The following LHFPL2 variants were observed in gnomAD, a reference collection of about 807,000 sequenced individuals.
LHFPL2 encodes the protein LHFPL tetraspan subfamily member 2 protein.
Under a neutral mutation model 17.5 loss-of-function variants are expected in LHFPL2, and 7 were observed. That is an observed-to-expected ratio of 0.40 (90% CI 0.23 to 0.75). LHFPL2 has a LOEUF of 0.75. LHFPL2 is among the 30% of genes least tolerant of loss of function. The pLI, the probability that LHFPL2 is intolerant of heterozygous loss-of-function variation, is 0.37. For synonymous variants in LHFPL2, 134 were observed against 116.2 expected, an observed-to-expected ratio of 1.15 and a Z score of -0.99; for missense variants, 241 against 294.8, an observed-to-expected ratio of 0.82 and a Z score of 1.34.
chr5:78,590,098 A>G (rs1743575014), intron 2 of LHFPL2: 1 of 152,302 alleles, frequency 6.6e-6, no homozygotes, highest in Non-Finnish European at 1.5e-5. Flanking sequence ...ATGCTCTTGC[A>G]TCATTATACA....
chr5:78,488,999 A>G lies in LHFPL2; in HGVS notation c.585T>C (p.Thr195=). Residue 195 remains threonine (T), a synonymous_variant, in exon 5 of 5, where the codon ACT becomes ACC. Coordinates refer to ENST00000380345, the MANE Select transcript of LHFPL2 (RefSeq NM_005779.3). ...FYTAIGGTVL[T]FICAVFSAQA... ...GTGCAGAGAAGACAGCACAGATGAA[A>G]GTGAGGACTGTGCCCCCAATGGCGG... 6.2e-7 allele frequency: 1 copy of G among 1,614,236 alleles called. No homozygotes were observed. Among genetic ancestry groups the G allele is most frequent in the African/African-American group, 1.3e-5 (1 of 75,056 alleles).
At chr5:78,623,523 A>G (rs1465763156) in intron 2 of LHFPL2, among the ~76,000 whole-genome samples, 1 of 152,262 alleles carries the variant, frequency 6.6e-6, no homozygotes, top group Non-Finnish European at 1.5e-5. Context: ...CAATAAGTAT[A>G]CAAATAAGCA....
At chr5:78,579,359 T>G (rs910014322) in intron 2 of LHFPL2, among the ~76,000 whole-genome samples, 1 of 152,088 alleles carries the variant, frequency 6.6e-6, no homozygotes, top group African/African-American at 2.4e-5. Flanking sequence ...ATTATTATTA[T>G]ACTTTAAGTT....
intron 3 of LHFPL2, among the ~76,000 whole-genome samples, chr5:78,562,257 T>G (rs577201456): frequency 6.6e-6 from 1 of 152,188 alleles, no homozygotes; most frequent in South Asian, 2.1e-4. Context: ...AAAAGTGCCC[T>G]AGGTCACAGA....
At chr5:78,565,038 C>T (rs1301919179) in intron 2 of LHFPL2, among the ~76,000 whole-genome samples, 167 bp from the exon 3 acceptor site, 1 of 152,186 alleles carries the variant, frequency 6.6e-6, no homozygotes, top group East Asian at 1.9e-4. Context: ...CCCCCAGGAA[C>T]ACCGACACAC....
intron 4 of LHFPL2, among the ~76,000 whole-genome samples, chr5:78,496,108 T>C (rs1305118364): frequency 6.6e-6 from 1 of 152,228 alleles, no homozygotes; most frequent in Admixed American, 6.5e-5. Flanking sequence ...GAGCTCTTTC[T>C]CACTTTTAAA....
intron 2 of LHFPL2, among the ~76,000 whole-genome samples, chr5:78,584,081 C>T (rs1190023553): frequency 2.0e-5 from 3 of 151,738 alleles, no homozygotes; most frequent in Admixed American, 1.3e-4. Flanking sequence ...GCATCGGCTC[C>T]TGAGGCTTCT....
At chr5:78,517,014 C>A (rs1755313554) in intron 3 of LHFPL2, among the ~76,000 whole-genome samples, 1 of 152,226 alleles carries the variant, frequency 6.6e-6, no homozygotes, top group Non-Finnish European at 1.5e-5. Context: ...CTGCTTCTCT[C>A]AAACTCCTCT....
chr5:78,592,290 G>A lies in LHFPL2; in HGVS notation c.-244-27419C>T, dbSNP rs571293703. Among the ~76,000 whole-genome samples the A allele has an allele frequency of 3.9e-5, 6 of 152,270 alleles. No homozygotes were observed. The East Asian group carries it at 1.2e-3, about 29-fold the overall frequency. ...GAGAGCACCTCTCTCAAAGGAGTGCGGGATGGATGCCTCAGATTTCAGAGG... is the reference window on the plus strand; with the variant it reads ...GAGAGCACCTCTCTCAAAGGAGTGCAGGATGGATGCCTCAGATTTCAGAGG... On this transcript the variant is annotated intron_variant, in intron 2 of 4. Coordinates refer to ENST00000380345, the MANE Select transcript of LHFPL2 (RefSeq NM_005779.3).
At chr5:78,529,642 C>CA (rs71001112) in intron 3 of LHFPL2, among the ~76,000 whole-genome samples, 54,625 of 136,562 alleles carry the variant, frequency 0.4, 10,483 homozygotes, top group Middle Eastern at 0.5. Context: ...GACTCCGTCT[C>CA]AAAAAAAAAA....
At chr5:78,513,567 G>A (rs924269802) in intron 3 of LHFPL2, among the ~76,000 whole-genome samples, 74 of 152,152 alleles carry the variant, frequency 4.9e-4, no homozygotes, top group African/African-American at 1.7e-3. Flanking sequence ...TGGTTTAGCT[G>A]TGTCCGCACC....
rs775872155 is a variant in LHFPL2, at chr5:78,510,094, G to A, written c.120C>T (p.Ser40=). The change falls in exon 4 of 5, where the codon AGC becomes AGT. Residue 40 remains serine (S), a synonymous_variant. Coordinates refer to ENST00000380345, the MANE Select transcript of LHFPL2 (RefSeq NM_005779.3). ...GGCCCGCCGGCTCCACGCCGCCGCGGCTCCTCGCTTTCCCGATCAGCCAGT... is the reference window on the plus strand; with the variant it reads ...GGCCCGCCGGCTCCACGCCGCCGCGACTCCTCGCTTTCCCGATCAGCCAGT... ...SADWLIGKAR[S]RGGVEPAGPG... 5.0e-5 allele frequency: 80 copies of A among 1,612,842 alleles called. No homozygotes were observed. The highest frequency in any genetic ancestry group is 6.4e-5 in the Non-Finnish European group (75 of 1,179,450).
chr5:78,578,273 G>A (rs1368265323), intron 2 of LHFPL2, among the ~76,000 whole-genome samples: 3 of 152,166 alleles, frequency 2.0e-5, no homozygotes, highest in East Asian at 3.8e-4. Context: ...ATCACAGGAA[G>A]AATAAAAGGA....
Position 78,489,283 on chromosome 5 carries a change from C to CTGTT in LHFPL2, c.431-134_431-131dup, listed in dbSNP as rs1413585006. On this transcript the variant is annotated intron_variant, in intron 4 of 4. Coordinates refer to ENST00000380345, the MANE Select transcript of LHFPL2 (RefSeq NM_005779.3). ...TATTCTGCAATAGAAAGTGTTGGGA[C>CTGTT]TGTTTCATGCAAACTAATCTGACCT... is the stretch of plus-strand genomic sequence containing the variant. 6 of 958,348 alleles carry CTGTT rather than the reference C, an allele frequency of 6.3e-6. No homozygotes were observed. The African/African-American group carries it at 8.2e-5, about 13-fold the overall frequency. The allele number at this position is 958,348 out of a possible 1,614,324, so 59.4% of individuals were successfully genotyped here. A position where few individuals can be genotyped will look rare whatever the true frequency, so the allele number is the denominator to read the frequency against.
chr5:78,489,152 A>G lies in LHFPL2; in HGVS notation c.432T>C (p.Gly144=). 1 of 1,613,982 alleles carries G rather than the reference A, an allele frequency of 6.2e-7. No homozygotes were observed. The highest frequency in any genetic ancestry group is 8.5e-7 in the Non-Finnish European group (1 of 1,179,878). ...GTATCAAACCGAGGATAAGGAATAG[A>G]CCTGCAGAACAAAAGAGAAAACAGA... ...NVCGLLQGIA[G]LFLILGLILY... The change falls in exon 5 of 5, where the codon GGT becomes GGC. Residue 144 remains glycine (G), a splice_region_variant and synonymous_variant. Transcript: ENST00000380345.
At chr5:78,563,888 A>G (rs1756794809) in intron 3 of LHFPL2, among the ~76,000 whole-genome samples, 2 of 152,152 alleles carry the variant, frequency 1.3e-5, no homozygotes, top group Admixed American at 6.5e-5. Context: ...TTCCTAACCT[A>G]AGCAGTAGAA....
intron 4 of LHFPL2, among the ~76,000 whole-genome samples, chr5:78,494,118 G>A (rs1754532587): frequency 6.6e-6 from 1 of 152,188 alleles, no homozygotes; most frequent in Non-Finnish European, 1.5e-5. Flanking sequence ...CCATCACCTT[G>A]CCTCACTGCA....
chr5:78,584,428 T>G (rs944300851), intron 2 of LHFPL2, among the ~76,000 whole-genome samples: 1 of 152,172 alleles, frequency 6.6e-6, no homozygotes, highest in Non-Finnish European at 1.5e-5. Context: ...CTACTTTTGG[T>G]CTTTGATGAT....
At chr5:78,537,451 C>T (rs1293083842) in intron 3 of LHFPL2, among the ~76,000 whole-genome samples, 5 of 152,218 alleles carry the variant, frequency 3.3e-5, no homozygotes, top group Non-Finnish European at 5.9e-5. Context: ...AGTCTCTCTC[C>T]TCCCGCTTTG....
Sources: gnomAD v4.1 joint callset for allele counts (sites outside exome capture counted in the v4.1 genomes callset) on GRCh38, gnomAD v4.1.1 for gene constraint, MANE v1.5 for transcripts, NCBI Gene and HGNC (gene_info 2026-07-23, HGNC 2026-07-21) for gene names.